NKAIN3: variants seen among roughly 807,000 people sequenced by gnomAD.
NKAIN3 encodes the protein sodium/potassium transporting ATPase interacting 3, also known as sodium/potassium-transporting ATPase subunit beta-1-interacting protein 3.
NKAIN3 carries 25 observed loss-of-function variants against 30.2 expected under a neutral mutation model. The ratio of observed to expected loss-of-function variants is 0.83; its 90% CI spans 0.60 to 1.16. The LOEUF (loss-of-function observed/expected upper bound fraction) is 1.16, where lower values mean the gene tolerates loss of function less well. NKAIN3 is among the 50% of genes most tolerant of loss of function. NKAIN3 has a pLI of 0.00. For missense variants in NKAIN3, 225 were observed against 254.1 expected, an observed-to-expected ratio of 0.89 and a Z score of 0.78; for synonymous variants, 91 against 89.6, an observed-to-expected ratio of 1.02 and a Z score of -0.09.
intron 1 of NKAIN3, among the ~76,000 whole-genome samples, chr8:62,449,049 A>G (rs1412647058): frequency 6.6e-6 from 1 of 152,000 alleles, no homozygotes; most frequent in Non-Finnish European, 1.5e-5. Flanking sequence ...TATGAGAAAA[A>G]GTGTGTAATG....
chr8:62,470,823 C>T (rs144270760), intron 1 of NKAIN3, among the ~76,000 whole-genome samples: 1 of 151,590 alleles, frequency 6.6e-6, no homozygotes, highest in African/African-American at 2.4e-5. Flanking sequence ...TTCCTTTGGC[C>T]TAAATGCAGT....
At chr8:62,582,665 T>G (rs1408154919) in intron 2 of NKAIN3, among the ~76,000 whole-genome samples, 1 of 152,112 alleles carries the variant, frequency 6.6e-6, no homozygotes, top group Non-Finnish European at 1.5e-5. Context: ...CAGTTCTGAT[T>G]TACTCATTAA....
At chr8:62,336,798 T>C (rs1300781190) in intron 1 of NKAIN3, among the ~76,000 whole-genome samples, 1 of 152,034 alleles carries the variant, frequency 6.6e-6, no homozygotes, top group Non-Finnish European at 1.5e-5. Context: ...CTTGTAGTCA[T>C]TCAGAGGTGG....
intron 3 of NKAIN3, among the ~76,000 whole-genome samples, chr8:62,716,187 C>T (rs1814897716): frequency 6.6e-6 from 1 of 152,052 alleles, no homozygotes; most frequent in African/African-American, 2.4e-5. Flanking sequence ...AGAAGACACC[C>T]CTTTCCACAG....
intron 5 of NKAIN3, among the ~76,000 whole-genome samples, chr8:62,941,903 T>C (rs1822965899): frequency 6.6e-6 from 1 of 152,020 alleles, no homozygotes; most frequent in Admixed American, 6.6e-5. Context: ...GTACTGGAAG[T>C]CTTAGCCAGA....
rs546739973 is a variant in NKAIN3 at position 62,722,840 on chromosome 8, T to G, written c.274-24092T>G. On this transcript the variant is annotated intron_variant, in intron 3 of 6. Coordinates refer to ENST00000623646, the MANE Select transcript of NKAIN3 (RefSeq NM_001304533.3). ...GCTAACAAACATCTCATGGCTACAG[T>G]GAAAATCCACCCAGGGAGTTGTATT... is the stretch of plus-strand genomic sequence containing the variant. 3.9e-5 allele frequency among the ~76,000 whole-genome samples: 6 copies of G among 152,226 alleles called. No individual in the cohort carries two copies. In the East Asian group the frequency reaches 1.2e-3, roughly 29 times the overall value.
At chr8:62,703,001 G>A (rs1290953742) in intron 3 of NKAIN3, among the ~76,000 whole-genome samples, 1 of 152,100 alleles carries the variant, frequency 6.6e-6, no homozygotes, top group Non-Finnish European at 1.5e-5. Flanking sequence ...ATTAATGATC[G>A]CCTCCGTTTA....
intron 3 of NKAIN3, among the ~76,000 whole-genome samples, chr8:62,724,168 CTCGCTTATT>C (rs1265219581): frequency 1.3e-5 from 2 of 152,168 alleles, no homozygotes; most frequent in South Asian, 2.1e-4. Flanking sequence ...TGTATACTGT[CTCGCTTATT>C]TCGATTATAC....
intron 3 of NKAIN3, among the ~76,000 whole-genome samples, chr8:62,714,371 A>C (rs955932874): frequency 3.9e-5 from 6 of 152,020 alleles, no homozygotes; most frequent in Admixed American, 3.3e-4. Flanking sequence ...TTTCTTAGCT[A>C]TAAATCTTTG....
At chr8:62,266,792 G>A (rs1050223142) in intron 1 of NKAIN3, among the ~76,000 whole-genome samples, 3 of 152,166 alleles carry the variant, frequency 2.0e-5, no homozygotes, top group Admixed American at 1.3e-4. Flanking sequence ...GCAGTGACCC[G>A]ACAACTCAAA....
intron 1 of NKAIN3, among the ~76,000 whole-genome samples, chr8:62,445,652 A>G (rs1202360522): frequency 1.3e-5 from 2 of 152,164 alleles, no homozygotes; most frequent in Non-Finnish European, 2.9e-5. Flanking sequence ...AGAATATAGT[A>G]GTAGAGATGG....
chr8:62,386,817 A>T (rs1163248299), intron 1 of NKAIN3, among the ~76,000 whole-genome samples: 1 of 151,948 alleles, frequency 6.6e-6, no homozygotes, highest in Non-Finnish European at 1.5e-5. Context: ...CAGTTCTCTG[A>T]TCTGTAAAAT....
chr8:62,616,750 T>C (rs1472730465), intron 3 of NKAIN3, among the ~76,000 whole-genome samples: 2 of 152,134 alleles, frequency 1.3e-5, no homozygotes, highest in South Asian at 2.1e-4. Flanking sequence ...CCTCTAATCA[T>C]GTGGTTTCTT....
chr8:62,863,952 T>C lies in NKAIN3; in HGVS notation c.472-54501T>C, dbSNP rs1258318255. 6 of 885,594 alleles carry C rather than the reference T, an allele frequency of 6.8e-6. No homozygotes were observed. In the Admixed American group the frequency reaches 1.1e-4, roughly 16 times the overall value. 54.9% of individuals were successfully genotyped at this position (885,594 alleles called of 1,614,324 possible). A position where few individuals can be genotyped will look rare whatever the true frequency, so the allele number is the denominator to read the frequency against. On this transcript the variant is annotated intron_variant, in intron 4 of 6. Coordinates refer to ENST00000623646, the MANE Select transcript of NKAIN3 (RefSeq NM_001304533.3). ...GTGTGGGGTCTGCCAAAGGTGGCGGTGGTGGTGGTGGAGGTGGAGGAGAAA... is the reference window on the plus strand; with the variant it reads ...GTGTGGGGTCTGCCAAAGGTGGCGGCGGTGGTGGTGGAGGTGGAGGAGAAA...
At position 62,968,625 on chromosome 8, in the gene NKAIN3, T is replaced by C. The variant is rs1424808794; in HGVS notation, c.*3218T>C. 6.6e-6 allele frequency among the ~76,000 whole-genome samples: 1 copy of C among 152,204 alleles called. No individual in the cohort carries two copies. The stretch of plus-strand genomic sequence containing the variant: ...ACTGAAGATAGGACATCCACTGCTC[T>C]TTAGCTTCTAGTGCTGACTGGAATG... On this transcript the variant is annotated 3_prime_UTR_variant, in exon 7 of 7. Transcript: ENST00000623646.
intron 1 of NKAIN3, among the ~76,000 whole-genome samples, chr8:62,344,632 T>G (rs1815868132): frequency 6.6e-6 from 1 of 152,068 alleles, no homozygotes; most frequent in Admixed American, 6.6e-5. Context: ...CTTTATGAGT[T>G]GGCAGTGGGA....
chr8:62,352,798 A>G (rs890401758), intron 1 of NKAIN3, among the ~76,000 whole-genome samples: 12 of 152,192 alleles, frequency 7.9e-5, no homozygotes, highest in Admixed American at 7.2e-4. Context: ...CAAATTCTCC[A>G]GGTCCACAGA....
chr8:62,349,602 A>G (rs971648496), intron 1 of NKAIN3, among the ~76,000 whole-genome samples: 3 of 152,216 alleles, frequency 2.0e-5, no homozygotes, highest in Non-Finnish European at 2.9e-5. Flanking sequence ...AGTAAAGCAT[A>G]TGCACGTGGT....
At chr8:62,502,427 C>T (rs957949483) in intron 1 of NKAIN3, among the ~76,000 whole-genome samples, 1 of 152,070 alleles carries the variant, frequency 6.6e-6, no homozygotes, top group African/African-American at 2.4e-5. Flanking sequence ...TCTAGCGGCC[C>T]CTTTCCCAGC....
Sources: allele counts gnomAD v4.1 joint callset (sites outside exome capture counted in the v4.1 genomes callset), GRCh38; gene constraint gnomAD v4.1.1; transcripts MANE v1.5; gene names NCBI Gene and HGNC (gene_info 2026-07-23, HGNC 2026-07-21).